The following ARHGAP15 variants were observed in gnomAD, a reference collection of about 807,000 sequenced individuals.
ARHGAP15 encodes Rho GTPase activating protein 15.
ARHGAP15 carries 51 observed loss-of-function variants against 63.7 expected under a neutral mutation model. That is an observed-to-expected ratio of 0.80 (90% CI 0.64 to 1.01). The LOEUF (loss-of-function observed/expected upper bound fraction) is 1.01. Among genes scored for constraint, ARHGAP15 ranks in the 50% least tolerant of loss-of-function variants. The pLI is 0.00. For synonymous variants in ARHGAP15, 191 were observed against 193.8 expected, an observed-to-expected ratio of 0.99 and a Z score of 0.12; for missense variants, 560 against 564.6, an observed-to-expected ratio of 0.99 and a Z score of 0.08.
At chr2:143,580,225 AAT>A (rs1169518690) in intron 11 of ARHGAP15, among the ~76,000 whole-genome samples, 4 of 151,908 alleles carry the variant, frequency 2.6e-5, no homozygotes, top group African/African-American at 9.7e-5. Context: ...ACGAGTATTT[AAT>A]ATGTCAATTT....
rs1337856503 is a variant in ARHGAP15, at chr2:143,667,427, G to A, written c.1139-35992G>A. On this transcript the variant is annotated intron_variant, in intron 12 of 13. Transcript: ENST00000295095. ...ACACTCTGGGGACTGTGGTGGGGTC[G>A]GGGGAGGGGGGAGAGATAGCATTGG... Among the ~76,000 whole-genome samples, 3 of 103,076 alleles carry A rather than the reference G, an allele frequency of 2.9e-5. 1 individual carries two copies. The highest frequency in any genetic ancestry group is 2.0e-5 in the Non-Finnish European group (1 of 49,608). The allele number at this position is 103,076 out of a possible 152,430, so 67.6% of individuals were successfully genotyped here. A position where few individuals can be genotyped will look rare whatever the true frequency, so the allele number is the denominator to read the frequency against.
At chr2:143,608,503 A>G (rs902939933) in intron 11 of ARHGAP15, 1 of 152,236 alleles carries the variant, frequency 6.6e-6, no homozygotes, top group Non-Finnish European at 1.5e-5. Context: ...ATGTAAAGCA[A>G]TAGTTAGTGT....
At chr2:143,444,389 T>TTAGGCA (rs1377912030) in intron 8 of ARHGAP15, among the ~76,000 whole-genome samples, 2 of 152,224 alleles carry the variant, frequency 1.3e-5, no homozygotes, top group African/African-American at 4.8e-5. Context: ...TCTTATAAAG[T>TTAGGCA]TAGGCATATA....
At chr2:143,727,510 C>G (rs1685335601) in intron 13 of ARHGAP15, among the ~76,000 whole-genome samples, 1 of 152,038 alleles carries the variant, frequency 6.6e-6, no homozygotes, top group Admixed American at 6.5e-5. Flanking sequence ...TTTGCAGTAG[C>G]TAGAATGAGA....
chr2:143,326,149 C>T (rs958814718), intron 6 of ARHGAP15, among the ~76,000 whole-genome samples: 5 of 152,140 alleles, frequency 3.3e-5, no homozygotes, highest in African/African-American at 1.2e-4. Context: ...CTTAACCAAA[C>T]AGAAAAACGT....
At chr2:143,461,745 G>A (rs141575360) in intron 8 of ARHGAP15, among the ~76,000 whole-genome samples, 5 of 152,198 alleles carry the variant, frequency 3.3e-5, no homozygotes, top group African/African-American at 9.6e-5. Flanking sequence ...TTGCCAAACC[G>A]TAGGTGCTAA....
intron 13 of ARHGAP15, among the ~76,000 whole-genome samples, chr2:143,745,407 G>A (rs1686126187): frequency 1.3e-5 from 2 of 152,166 alleles, no homozygotes; most frequent in Non-Finnish European, 2.9e-5. Context: ...TTCTGCCAGA[G>A]CAGGTCTCTT....
intron 8 of ARHGAP15, among the ~76,000 whole-genome samples, chr2:143,455,296 C>T (rs1690595197): frequency 6.6e-6 from 1 of 152,022 alleles, no homozygotes; most frequent in African/African-American, 2.4e-5. Context: ...CATGCTGATG[C>T]ATTATAGTTA....
intron 10 of ARHGAP15, among the ~76,000 whole-genome samples, chr2:143,556,157 A>T (rs1003209322): frequency 9.2e-5 from 14 of 152,068 alleles, no homozygotes; most frequent in Admixed American, 9.2e-4. Context: ...TAAATATATG[A>T]TGTAATCCTA....
At chr2:143,537,038 G>A (rs1054678448) in intron 10 of ARHGAP15, among the ~76,000 whole-genome samples, 1 of 151,980 alleles carries the variant, frequency 6.6e-6, no homozygotes, top group Non-Finnish European at 1.5e-5. Flanking sequence ...AGCACCTGTT[G>A]TTTCCTGACT....
chr2:143,543,980 T>G (rs1695219188), intron 10 of ARHGAP15, among the ~76,000 whole-genome samples: 1 of 152,164 alleles, frequency 6.6e-6, no homozygotes, highest in Non-Finnish European at 1.5e-5. Context: ...TCATAGGAAG[T>G]CAGAAAGCCA....
intron 6 of ARHGAP15, among the ~76,000 whole-genome samples, chr2:143,265,599 A>G (rs1254032819): frequency 6.6e-6 from 1 of 152,190 alleles, no homozygotes; most frequent in Non-Finnish European, 1.5e-5. Context: ...TAAGTATTCC[A>G]ATAATTTCTT....
intron 6 of ARHGAP15, among the ~76,000 whole-genome samples, chr2:143,315,384 A>AT (rs1309465380): frequency 2.6e-5 from 4 of 152,216 alleles, no homozygotes; most frequent in African/African-American, 9.6e-5. Context: ...CAATTCTATT[A>AT]ATTTGTCATC....
At chr2:143,445,153 A>AC (rs765945989) in intron 8 of ARHGAP15, among the ~76,000 whole-genome samples, 11 of 74,458 alleles carry the variant, frequency 1.5e-4, no homozygotes, top group South Asian at 5.7e-4. Flanking sequence ...AAGAACAATT[A>AC]TTTTTTTTTT....
intron 12 of ARHGAP15, among the ~76,000 whole-genome samples, chr2:143,663,873 A>G (rs1681985654): frequency 6.6e-6 from 1 of 152,218 alleles, no homozygotes; most frequent in African/African-American, 2.4e-5. Flanking sequence ...TAACCTAAAT[A>G]TATATGCACC....
At chr2:143,747,787 A>G (rs539310583) in intron 13 of ARHGAP15, among the ~76,000 whole-genome samples, 1 of 152,316 alleles carries the variant, frequency 6.6e-6, no homozygotes, top group South Asian at 2.1e-4. Context: ...TTATCCATTC[A>G]TTTATCAGAG....
chr2:143,465,119 A>G (rs1234693385), intron 8 of ARHGAP15, among the ~76,000 whole-genome samples: 1 of 152,062 alleles, frequency 6.6e-6, no homozygotes, highest in Non-Finnish European at 1.5e-5. Flanking sequence ...CTTCTTCCTT[A>G]GGTCTCCTTA....
chr2:143,491,133 C>G lies in ARHGAP15; in HGVS notation c.826+3638C>G, dbSNP rs527645446. Among the ~76,000 whole-genome samples, 8 of 152,198 alleles carry G rather than the reference C, an allele frequency of 5.3e-5. No individual in the cohort carries two copies. In the East Asian group the frequency reaches 1.5e-3, roughly 29 times the overall value. On this transcript the variant is annotated intron_variant, in intron 9 of 13. Transcript: ENST00000295095. ...CAAGTTTGCCAAGGAATGGTGAGCCCTTTTTAAATATATGAGTTTATTAAC... is the reference window on the plus strand; with the variant it reads ...CAAGTTTGCCAAGGAATGGTGAGCCGTTTTTAAATATATGAGTTTATTAAC...
At chr2:143,567,728 T>A (rs1404607070) in intron 11 of ARHGAP15, among the ~76,000 whole-genome samples, 1 of 152,154 alleles carries the variant, frequency 6.6e-6, no homozygotes, top group Non-Finnish European at 1.5e-5. Flanking sequence ...TGAATTTCCA[T>A]AGTGTAATCC....
Sources: gnomAD v4.1 joint callset for allele counts (sites outside exome capture counted in the v4.1 genomes callset) on GRCh38, gnomAD v4.1.1 for gene constraint, MANE v1.5 for transcripts, NCBI Gene and HGNC (gene_info 2026-07-23, HGNC 2026-07-21) for gene names.